Variants in PTPRM observed in about 807,000 individuals in gnomAD.
PTPRM encodes the protein receptor-type tyrosine-protein phosphatase mu.
A neutral mutation model predicts 186.7 loss-of-function variants in PTPRM; 47 were observed. The ratio of observed to expected loss-of-function variants is 0.25; its 90% CI spans 0.20 to 0.32. The LOEUF (loss-of-function observed/expected upper bound fraction) is 0.32, where lower values mean the gene tolerates loss of function less well. Among genes scored for constraint, PTPRM ranks in the 10% least tolerant of loss-of-function variants. The pLI, the probability that PTPRM is intolerant of heterozygous loss-of-function variation, is 1.00. For synonymous variants in PTPRM, 668 were observed against 674.9 expected, an observed-to-expected ratio of 0.99 and a Z score of 0.16; for missense variants, 1,494 against 1,865.0, an observed-to-expected ratio of 0.80 and a Z score of 3.66.
At chr18:8,091,432 T>A (rs186000779) in intron 11 of PTPRM, among the ~76,000 whole-genome samples, 95 of 152,272 alleles carry the variant, frequency 6.2e-4, no homozygotes, top group Non-Finnish European at 1.0e-3. Flanking sequence ...AATTTTAGAA[T>A]CATGATCAAT....
intron 2 of PTPRM, among the ~76,000 whole-genome samples, chr18:7,884,950 AAG>A: frequency 1.3e-5 from 2 of 150,472 alleles, no homozygotes; most frequent in Middle Eastern, 3.5e-3. Flanking sequence ...AAAAAAAAAA[AAG>A]GAGAGAGAGA....
intron 4 of PTPRM, among the ~76,000 whole-genome samples, chr18:7,925,015 C>T (rs1201108250): frequency 6.6e-6 from 1 of 152,152 alleles, no homozygotes; most frequent in African/African-American, 2.4e-5. Context: ...GAAAATATCT[C>T]CCTCACAGAA....
At chr18:7,863,346 C>T (rs968963280) in intron 2 of PTPRM, among the ~76,000 whole-genome samples, 1 of 152,036 alleles carries the variant, frequency 6.6e-6, no homozygotes, top group Non-Finnish European at 1.5e-5. Context: ...GCTATCCCTC[C>T]CCCAGCCCCT....
At chr18:7,781,715 TC>T (rs1377819853) in intron 2 of PTPRM, among the ~76,000 whole-genome samples, 1 of 152,214 alleles carries the variant, frequency 6.6e-6, no homozygotes, top group Non-Finnish European at 1.5e-5. Context: ...CCCCAGCATT[TC>T]CATCTGACAC....
intron 4 of PTPRM, among the ~76,000 whole-genome samples, chr18:7,923,928 A>C (rs1376350726): frequency 6.6e-6 from 1 of 152,228 alleles, no homozygotes; most frequent in Non-Finnish European, 1.5e-5. Context: ...TCAAAAAAAG[A>C]AAGTGGGTTG....
intron 6 of PTPRM, among the ~76,000 whole-genome samples, chr18:7,950,968 G>A (rs1236242565): frequency 6.6e-6 from 1 of 152,134 alleles, no homozygotes; most frequent in Non-Finnish European, 1.5e-5. Context: ...AGCTTATGGG[G>A]GACAGTGCAC....
intron 7 of PTPRM, among the ~76,000 whole-genome samples, chr18:7,979,473 G>A (rs189785985): frequency 6.6e-6 from 1 of 152,226 alleles, no homozygotes; most frequent in Admixed American, 6.5e-5. Context: ...ATGAATCTAA[G>A]GTGTTTTATT....
intron 19 of PTPRM, among the ~76,000 whole-genome samples, chr18:8,282,333 C>T (rs922659685): frequency 1.3e-5 from 2 of 152,168 alleles, no homozygotes; most frequent in Admixed American, 6.5e-5. Context: ...TGAACTGGTA[C>T]AGCCACTCTG....
At chr18:8,120,214 G>T (rs1035896576) in intron 13 of PTPRM, among the ~76,000 whole-genome samples, 6 of 152,120 alleles carry the variant, frequency 3.9e-5, no homozygotes, top group African/African-American at 9.7e-5. Flanking sequence ...TGAAGATAAA[G>T]TATAGCATAA....
chr18:7,951,783 T>C (rs906813821), intron 6 of PTPRM, among the ~76,000 whole-genome samples: 12 of 152,364 alleles, frequency 7.9e-5, no homozygotes, highest in Admixed American at 2.0e-4. Flanking sequence ...TTTTATAAGG[T>C]TATTACCTTG....
intron 11 of PTPRM, among the ~76,000 whole-genome samples, chr18:8,105,458 A>G (rs2145599662): frequency 6.6e-6 from 1 of 152,364 alleles, no homozygotes; most frequent in Admixed American, 6.5e-5. Flanking sequence ...AGAAGCTTTA[A>G]AAATGGCAGA....
chr18:7,696,646 C>T lies in PTPRM; in HGVS notation c.74-77503C>T, dbSNP rs116893905. Among the ~76,000 whole-genome samples the T allele has an allele frequency of 8.7e-3, 1,326 of 152,264 alleles. 9 individuals carry two copies. Among genetic ancestry groups the T allele is most frequent in the Non-Finnish European group, 0.013 (859 of 68,032 alleles). Reference sequence around the variant, plus strand: ...GGTAGACTGCTATTGTTTCAAGGGGCGAGGATGAGATTTTGTTGTGGACAA... The same window carrying T: ...GGTAGACTGCTATTGTTTCAAGGGGTGAGGATGAGATTTTGTTGTGGACAA... On this transcript the variant is annotated intron_variant, in intron 1 of 32. Transcript: ENST00000580170.
chr18:7,735,286 G>A (rs1026254696), intron 1 of PTPRM, among the ~76,000 whole-genome samples: 1 of 152,110 alleles, frequency 6.6e-6, no homozygotes, highest in Non-Finnish European at 1.5e-5. Flanking sequence ...GCATGGTGGT[G>A]GGCGGCGCCT....
At chr18:7,801,136 A>G (rs1159128483) in intron 2 of PTPRM, among the ~76,000 whole-genome samples, 2 of 152,168 alleles carry the variant, frequency 1.3e-5, no homozygotes, top group Non-Finnish European at 2.9e-5. Flanking sequence ...TCAATAATAA[A>G]TTAACCTTAG....
At chr18:7,946,957 G>C (rs1390855336) in intron 5 of PTPRM, 1 of 456,104 alleles carries the variant, frequency 2.2e-6, no homozygotes, top group African/African-American at 2.0e-5. Context: ...ACTGCCTATG[G>C]GAACCCTCTC....
chr18:8,132,117 C>T (rs953378322), intron 13 of PTPRM, among the ~76,000 whole-genome samples: 2 of 152,160 alleles, frequency 1.3e-5, no homozygotes, highest in African/African-American at 2.4e-5. Flanking sequence ...TACTGGCATA[C>T]CAACTTTTGT....
At chr18:7,992,089 T>C (rs1365974860) in intron 7 of PTPRM, among the ~76,000 whole-genome samples, 1 of 152,154 alleles carries the variant, frequency 6.6e-6, no homozygotes, top group Non-Finnish European at 1.5e-5. Flanking sequence ...GTAAAACTGA[T>C]GTGTATTTTC....
At chr18:8,187,819 T>A (rs865778510) in intron 14 of PTPRM, among the ~76,000 whole-genome samples, 2 of 152,312 alleles carry the variant, frequency 1.3e-5, no homozygotes, top group Middle Eastern at 3.4e-3. Context: ...TTCATGAGAT[T>A]ACCACATGTT....
At chr18:7,753,008 T>C (rs1413024310) in intron 1 of PTPRM, among the ~76,000 whole-genome samples, 2 of 152,162 alleles carry the variant, frequency 1.3e-5, no homozygotes, top group Non-Finnish European at 2.9e-5. Flanking sequence ...GGGCAGATTC[T>C]GGTAATGTGA....
Sources: allele counts gnomAD v4.1 joint callset (sites outside exome capture counted in the v4.1 genomes callset), GRCh38; gene constraint gnomAD v4.1.1; transcripts MANE v1.5; gene names NCBI Gene and HGNC (gene_info 2026-07-23, HGNC 2026-07-21).